The following CADM2 variants were observed in gnomAD, a reference collection of about 807,000 sequenced individuals.
The protein encoded by CADM2 is cell adhesion molecule 2.
CADM2 carries 12 observed loss-of-function variants against 49.8 expected under a neutral mutation model. That is an observed-to-expected ratio of 0.24 (90% CI 0.15 to 0.39). The LOEUF (loss-of-function observed/expected upper bound fraction) is 0.39, where lower values mean the gene tolerates loss of function less well. Ranked by LOEUF, CADM2 falls within the 10% of genes least tolerant of loss-of-function variation. The pLI, the probability that CADM2 is intolerant of heterozygous loss-of-function variation, is 1.00. For missense variants in CADM2, 378 were observed against 492.3 expected, an observed-to-expected ratio of 0.77 and a Z score of 2.20; for synonymous variants, 214 against 175.4, an observed-to-expected ratio of 1.22 and a Z score of -1.74.
intron 1 of CADM2, among the ~76,000 whole-genome samples, chr3:85,587,005 G>A (rs527740898): frequency 2.0e-5 from 3 of 152,200 alleles, no homozygotes; most frequent in African/African-American, 7.2e-5. Context: ...AGAAATAGTA[G>A]ATGGGATTCA....
intron 1 of CADM2, among the ~76,000 whole-genome samples, chr3:85,413,479 AAAGAGG>A (rs1212864067): frequency 6.6e-6 from 1 of 152,150 alleles, no homozygotes; most frequent in Admixed American, 6.5e-5. Flanking sequence ...ATCTATAAGA[AAAGAGG>A]TTTATTTGGC....
intron 1 of CADM2, among the ~76,000 whole-genome samples, chr3:85,442,607 TATATATATATATATATA>T (rs2037260971): frequency 3.8e-5 from 1 of 26,106 alleles, no homozygotes; most frequent in Non-Finnish European, 6.0e-4. Flanking sequence ...TATATATATA[TATATATATATATATATA>T]TATATATATG....
intron 1 of CADM2, among the ~76,000 whole-genome samples, chr3:84,988,404 T>G (rs1419125189): frequency 6.6e-6 from 1 of 152,262 alleles, no homozygotes; most frequent in East Asian, 1.9e-4. Context: ...AGGAAATGCT[T>G]CTGTGTTTAT....
At chr3:85,413,652 C>A (rs1004488122) in intron 1 of CADM2, among the ~76,000 whole-genome samples, 1 of 152,118 alleles carries the variant, frequency 6.6e-6, no homozygotes, top group Non-Finnish European at 1.5e-5. Flanking sequence ...TTTAAACAGT[C>A]GGATCTTGTG....
intron 1 of CADM2, among the ~76,000 whole-genome samples, chr3:84,966,766 T>C (rs190424709): frequency 6.6e-6 from 1 of 152,224 alleles, no homozygotes. Context: ...GAAACAACTC[T>C]TTCTGAGTCA....
intron 1 of CADM2, among the ~76,000 whole-genome samples, chr3:85,044,730 G>A (rs1028651450): frequency 1.3e-5 from 2 of 151,904 alleles, no homozygotes; most frequent in African/African-American, 4.8e-5. Flanking sequence ...TGGATATTTG[G>A]CATCCAAGCT....
chr3:85,902,900 CACA>C (rs1343956548), intron 5 of CADM2, among the ~76,000 whole-genome samples: 6 of 151,602 alleles, frequency 4.0e-5, no homozygotes, highest in Admixed American at 1.3e-4. Context: ...ATGTTAAAAA[CACA>C]ACAATACATG....
At chr3:85,550,912 G>A (rs898758472) in intron 1 of CADM2, among the ~76,000 whole-genome samples, 10 of 151,886 alleles carry the variant, frequency 6.6e-5, no homozygotes, top group African/African-American at 1.9e-4. Context: ...TTTGTTAATC[G>A]TATTTTTTAC....
intron 1 of CADM2, among the ~76,000 whole-genome samples, chr3:85,071,522 C>G (rs1202185511): frequency 6.6e-6 from 1 of 152,104 alleles, no homozygotes; most frequent in Non-Finnish European, 1.5e-5. Flanking sequence ...TTGTGTTCCA[C>G]TCTATATTCT....
intron 1 of CADM2, among the ~76,000 whole-genome samples, chr3:85,100,333 T>C (rs2037965344): frequency 6.6e-6 from 1 of 152,210 alleles, no homozygotes; most frequent in Non-Finnish European, 1.5e-5. Flanking sequence ...GGGCAGAACA[T>C]GCTTTCAAGC....
intron 1 of CADM2, among the ~76,000 whole-genome samples, chr3:85,530,366 T>A: frequency 7.5e-6 from 1 of 132,756 alleles, no homozygotes; most frequent in Non-Finnish European, 1.5e-5. Flanking sequence ...AGTCTCACTC[T>A]GTCGCCCAGG....
intron 1 of CADM2, among the ~76,000 whole-genome samples, chr3:85,708,149 G>T (rs1371557716): frequency 6.6e-6 from 1 of 152,072 alleles, no homozygotes; most frequent in Admixed American, 6.6e-5. Flanking sequence ...TATTTCTTAT[G>T]CTGTAAACAT....
intron 1 of CADM2, among the ~76,000 whole-genome samples, chr3:85,724,641 G>T (rs918811748): frequency 5.4e-5 from 8 of 148,630 alleles, no homozygotes; most frequent in African/African-American, 2.1e-4. Context: ...GCAAATTAAT[G>T]TGTATAGTAA....
chr3:85,878,793 A>C (rs1401038902), intron 3 of CADM2, among the ~76,000 whole-genome samples: 1 of 152,122 alleles, frequency 6.6e-6, no homozygotes, highest in Non-Finnish European at 1.5e-5. Context: ...TAGGTTCCAA[A>C]ATACAGTCTG....
chr3:85,515,723 C>T (rs1265858686), intron 1 of CADM2, among the ~76,000 whole-genome samples: 1 of 151,048 alleles, frequency 6.6e-6, no homozygotes. Context: ...GTGGTCCGCC[C>T]ACCTCAGCCT....
chr3:85,403,022 C>T (rs2035194112), intron 1 of CADM2, among the ~76,000 whole-genome samples: 1 of 152,078 alleles, frequency 6.6e-6, no homozygotes, highest in South Asian at 2.1e-4. Flanking sequence ...GGTAAACATA[C>T]CTGAAAGGTT....
At chr3:86,027,152 T>A (rs938405768) in intron 8 of CADM2, among the ~76,000 whole-genome samples, 1 of 152,182 alleles carries the variant, frequency 6.6e-6, no homozygotes, top group African/African-American at 2.4e-5. Flanking sequence ...AAAACTTTTT[T>A]AACTTAATTG....
intron 1 of CADM2, among the ~76,000 whole-genome samples, chr3:85,146,182 T>G (rs964966163): frequency 6.6e-6 from 1 of 152,186 alleles, no homozygotes; most frequent in African/African-American, 2.4e-5. Flanking sequence ...TAACTAGACT[T>G]GGCATCAATG....
At chr3:85,572,562 G>A (rs2062511040) in intron 1 of CADM2, among the ~76,000 whole-genome samples, 1 of 152,050 alleles carries the variant, frequency 6.6e-6, no homozygotes, top group African/African-American at 2.4e-5. Context: ...TCTGCAAGCT[G>A]GAGACCGTGG....
Sources: gnomAD v4.1 joint callset for allele counts (sites outside exome capture counted in the v4.1 genomes callset) on GRCh38, gnomAD v4.1.1 for gene constraint, MANE v1.5 for transcripts, NCBI Gene and HGNC (gene_info 2026-07-23, HGNC 2026-07-21) for gene names.